CNTNAP5: variants seen among roughly 807,000 people sequenced by gnomAD.
CNTNAP5 encodes the protein contactin-associated protein-like 5.
A neutral mutation model predicts 150.2 loss-of-function variants in CNTNAP5; 72 were observed. That is an observed-to-expected ratio of 0.48 (90% confidence interval 0.40 to 0.58). The LOEUF is 0.58. Among genes scored for constraint, CNTNAP5 ranks in the 20% least tolerant of loss-of-function variants. The pLI, the probability that CNTNAP5 is intolerant of heterozygous loss-of-function variation, is 0.00. For missense variants in CNTNAP5, 1,636 were observed against 1,626.2 expected, an observed-to-expected ratio of 1.01 and a Z score of -0.10; for synonymous variants, 672 against 619.8, an observed-to-expected ratio of 1.08 and a Z score of -1.25.
In CNTNAP5 at chr2:124,733,008, T is replaced by C. The variant is rs576053018; in HGVS notation, c.2078-14221T>C. On this transcript the variant is annotated intron_variant, in intron 13 of 23. Coordinates refer to ENST00000682447, the MANE Select transcript of CNTNAP5 (RefSeq NM_001367498.1). ...GGTCTATTCACATGAATAATTGCAATGGCATTTTGATTAGCAATGCAACAT... is the reference window on the plus strand; with the variant it reads ...GGTCTATTCACATGAATAATTGCAACGGCATTTTGATTAGCAATGCAACAT... Among the ~76,000 whole-genome samples, 8 of 152,308 alleles carry C rather than the reference T, an allele frequency of 5.3e-5. 1 individual carries two copies. The East Asian group carries it at 1.2e-3, about 22-fold the overall frequency.
chr2:124,550,302 C>T (rs1388452291), intron 10 of CNTNAP5, among the ~76,000 whole-genome samples: 2 of 152,152 alleles, frequency 1.3e-5, no homozygotes, highest in East Asian at 3.9e-4. Context: ...TACTGAAGTG[C>T]AGAACTTTGC....
intron 9 of CNTNAP5, among the ~76,000 whole-genome samples, chr2:124,526,052 G>A (rs551271093): frequency 4.6e-5 from 7 of 152,226 alleles, no homozygotes; most frequent in African/African-American, 1.2e-4. Context: ...AGGAAAAAAC[G>A]CTATCTTGCA....
At chr2:124,360,753 A>T (rs1690175136) in intron 3 of CNTNAP5, among the ~76,000 whole-genome samples, 1 of 86,442 alleles carries the variant, frequency 1.2e-5, no homozygotes, top group East Asian at 3.0e-4. Flanking sequence ...TTTTTCCTTC[A>T]TTTCAACTTT....
At chr2:124,848,607 G>C (rs1036815188) in intron 19 of CNTNAP5, among the ~76,000 whole-genome samples, 2 of 152,070 alleles carry the variant, frequency 1.3e-5, no homozygotes, top group Non-Finnish European at 2.9e-5. Flanking sequence ...ACCAGTATAT[G>C]TTCCCACCAA....
chr2:124,137,867 G>A (rs1354037151), intron 1 of CNTNAP5, among the ~76,000 whole-genome samples: 1 of 151,914 alleles, frequency 6.6e-6, no homozygotes, highest in Non-Finnish European at 1.5e-5. Flanking sequence ...GAAGTCAACA[G>A]CATCAGAGGA....
intron 11 of CNTNAP5, among the ~76,000 whole-genome samples, chr2:124,606,151 A>G (rs1010394924): frequency 2.6e-5 from 4 of 152,188 alleles, no homozygotes; most frequent in Non-Finnish European, 5.9e-5. Flanking sequence ...TTGTTCAGAA[A>G]AGAAAAAGTA....
chr2:124,416,847 A>G (rs1353618028), intron 3 of CNTNAP5, among the ~76,000 whole-genome samples: 2 of 151,346 alleles, frequency 1.3e-5, no homozygotes, highest in Non-Finnish European at 2.9e-5. Context: ...TGGGAATTTC[A>G]TTGTATTGTT....
At chr2:124,755,002 C>T (rs556117449) in intron 14 of CNTNAP5, among the ~76,000 whole-genome samples, 3 of 152,112 alleles carry the variant, frequency 2.0e-5, no homozygotes, top group Admixed American at 2.0e-4. Context: ...CAAAATATCG[C>T]ATCATTACTT....
chr2:124,798,004 C>G, intron 18 of CNTNAP5, 92 bp from the exon 19 acceptor site: 1 of 836,246 alleles, frequency 1.2e-6, no homozygotes, highest in South Asian at 1.6e-5. Context: ...CACACAGTGC[C>G]CAGTGCATAG....
chr2:124,417,619 T>G, intron 4 of CNTNAP5, 29 bp downstream of exon 4: 1 of 1,598,390 alleles, frequency 6.3e-7, no homozygotes, highest in Non-Finnish European at 8.6e-7. Context: ...CCTTTACCAT[T>G]GCTGAGTGTG....
intron 1 of CNTNAP5, among the ~76,000 whole-genome samples, chr2:124,072,397 A>G (rs1195280901): frequency 6.6e-6 from 1 of 152,062 alleles, no homozygotes; most frequent in East Asian, 1.9e-4. Flanking sequence ...CAAACAAGGG[A>G]AAGAAATAGA....
intron 22 of CNTNAP5, among the ~76,000 whole-genome samples, chr2:124,907,937 A>G (rs1678572171): frequency 6.6e-6 from 1 of 151,698 alleles, no homozygotes; most frequent in African/African-American, 2.4e-5. Context: ...TTAATGTATC[A>G]TTAGCAAAAT....
intron 3 of CNTNAP5, among the ~76,000 whole-genome samples, chr2:124,296,697 T>A (rs1056733118): frequency 1.3e-5 from 2 of 152,186 alleles, no homozygotes; most frequent in Non-Finnish European, 2.9e-5. Context: ...CCTCTCTTAG[T>A]ATAGAGACCT....
At chr2:124,421,129 C>T (rs916892648) in intron 4 of CNTNAP5, among the ~76,000 whole-genome samples, 1 of 152,198 alleles carries the variant, frequency 6.6e-6, no homozygotes, top group Non-Finnish European at 1.5e-5. Flanking sequence ...TTTCCATCTA[C>T]ACTGCATGCT....
At chr2:124,125,283 C>A (rs902937144) in intron 1 of CNTNAP5, among the ~76,000 whole-genome samples, 2 of 152,134 alleles carry the variant, frequency 1.3e-5, no homozygotes, top group Non-Finnish European at 2.9e-5. Context: ...ATAAAACAGA[C>A]TTTAAACCAA....
chr2:124,686,944 A>C (rs946516004), intron 13 of CNTNAP5, among the ~76,000 whole-genome samples: 3 of 152,166 alleles, frequency 2.0e-5, no homozygotes, highest in Non-Finnish European at 4.4e-5. Flanking sequence ...AAACGGTAGA[A>C]ATGTTCTTAG....
At chr2:124,264,745 T>C (rs1160709752) in intron 3 of CNTNAP5, among the ~76,000 whole-genome samples, 1 of 152,212 alleles carries the variant, frequency 6.6e-6, no homozygotes, top group Non-Finnish European at 1.5e-5. Context: ...TTTGCTCGCA[T>C]GCCAGAGGCA....
chr2:124,212,992 C>T (rs1331911064), intron 1 of CNTNAP5, among the ~76,000 whole-genome samples: 3 of 151,930 alleles, frequency 2.0e-5, no homozygotes, highest in Non-Finnish European at 2.9e-5. Context: ...GCGCCTGGCA[C>T]CACGCCCGGC....
intron 9 of CNTNAP5, among the ~76,000 whole-genome samples, chr2:124,524,755 A>C (rs979310427): frequency 1.3e-5 from 2 of 152,206 alleles, no homozygotes; most frequent in African/African-American, 4.8e-5. Context: ...AAGCCCTGTA[A>C]TCACATGGGA....
Sources: gnomAD v4.1 joint callset for allele counts (sites outside exome capture counted in the v4.1 genomes callset) on GRCh38, gnomAD v4.1.1 for gene constraint, MANE v1.5 for transcripts, NCBI Gene and HGNC (gene_info 2026-07-23, HGNC 2026-07-21) for gene names.